Variants in NFATC2 observed in about 807,000 individuals in gnomAD.
NFATC2 encodes nuclear factor of activated T-cells, cytoplasmic 2.
NFATC2 carries 22 observed loss-of-function variants against 87.3 expected under a neutral mutation model. That is an observed-to-expected ratio of 0.25 (90% CI 0.18 to 0.36). The LOEUF (loss-of-function observed/expected upper bound fraction) is 0.36. NFATC2 is among the 10% of genes least tolerant of loss of function. The pLI, the probability that NFATC2 is intolerant of heterozygous loss-of-function variation, is 1.00. For synonymous variants in NFATC2, 565 were observed against 542.2 expected, an observed-to-expected ratio of 1.04 and a Z score of -0.58; for missense variants, 1,149 against 1,259.1, an observed-to-expected ratio of 0.91 and a Z score of 1.32.
chr20:51,514,055 T>C (rs1012295520), intron 3 of NFATC2, among the ~76,000 whole-genome samples: 2 of 152,238 alleles, frequency 1.3e-5, no homozygotes, highest in Non-Finnish European at 2.9e-5. Flanking sequence ...TAAGGCTCTT[T>C]TGAGGATTAA....
rs1326547081 is a variant in NFATC2 at position 51,486,221 on chromosome 20, AAG to A, written c.1333-10563_1333-10562del. Reference sequence around the variant, plus strand: ...GCGAGACACTGCCTCAAACAAAAAAAAGAAGAAGAAAATCCAAACTGCCCATT... The same window carrying A: ...GCGAGACACTGCCTCAAACAAAAAAAAAGAAGAAAATCCAAACTGCCCATT... On this transcript the variant is annotated intron_variant, in intron 3 of 10. Transcript: ENST00000371564. 5.3e-5 allele frequency among the ~76,000 whole-genome samples: 8 copies of A among 152,126 alleles called. No individual in the cohort carries two copies. The South Asian group carries it at 1.2e-3, about 24-fold the overall frequency.
chr20:51,546,514 C>T (rs2076890887), upstream of NFATC2, among the ~76,000 whole-genome samples: 1 of 152,166 alleles, frequency 6.6e-6, no homozygotes, highest in African/African-American at 2.4e-5. Flanking sequence ...CAGGGCATCG[C>T]TGTCAACTTT....
At chr20:51,551,763 C>T (rs1028201513) in intron 1 of NFATC2, among the ~76,000 whole-genome samples, 4 of 152,178 alleles carry the variant, frequency 2.6e-5, no homozygotes, top group East Asian at 1.9e-4. Context: ...CACAGTGGCT[C>T]ATGCCTGTAA....
intron 1 of NFATC2, among the ~76,000 whole-genome samples, chr20:51,557,759 T>G (rs1006612635): frequency 6.6e-6 from 1 of 151,514 alleles, no homozygotes; most frequent in Non-Finnish European, 1.5e-5. Flanking sequence ...CATTCCTAAC[T>G]CATTCATTCA....
intron 3 of NFATC2, among the ~76,000 whole-genome samples, chr20:51,477,551 A>G (rs1425137707): frequency 1.8e-5 from 2 of 112,260 alleles, no homozygotes; most frequent in African/African-American, 5.8e-5. Flanking sequence ...ATATATATAT[A>G]TATATATATA....
intron 7 of NFATC2, 72 bp from the exon 8 acceptor site, chr20:51,435,386 C>T (rs1382528430): frequency 3.1e-6 from 5 of 1,598,198 alleles, no homozygotes; most frequent in Non-Finnish European, 4.3e-6. Context: ...TAAGCGCATC[C>T]AGGCAGCCCA....
At chr20:51,478,199 G>A (rs1237753730) in intron 3 of NFATC2, among the ~76,000 whole-genome samples, 5 of 152,332 alleles carry the variant, frequency 3.3e-5, no homozygotes, top group East Asian at 3.9e-4. Context: ...GGAAATCCAA[G>A]TCAGAAGCCT....
intron 3 of NFATC2, among the ~76,000 whole-genome samples, chr20:51,490,820 CTAAG>C (rs2075869643): frequency 6.6e-6 from 1 of 152,060 alleles, no homozygotes; most frequent in Non-Finnish European, 1.5e-5. Flanking sequence ...AAAATGCTGA[CTAAG>C]TAACACAACA....
upstream of NFATC2, among the ~76,000 whole-genome samples, chr20:51,544,985 C>T (rs181777849): frequency 2.0e-5 from 3 of 152,274 alleles, no homozygotes; most frequent in Admixed American, 1.3e-4. Flanking sequence ...CCATGTGTAT[C>T]CAACAAGCAT....
intron 4 of NFATC2, 24 bp from the exon 5 acceptor site, chr20:51,474,176 T>A: frequency 6.2e-7 from 1 of 1,611,176 alleles, no homozygotes; most frequent in South Asian, 1.1e-5. Context: ...AAGAACCCCA[T>A]TGTCACCAAC....
chr20:51,451,335 C>G (rs538112607), intron 6 of NFATC2, among the ~76,000 whole-genome samples: 1 of 152,374 alleles, frequency 6.6e-6, no homozygotes, highest in African/African-American at 2.4e-5. Context: ...CTGAAAATTT[C>G]TAAGCTGTAG....
chr20:51,555,254 C>G (rs1214541579), intron 1 of NFATC2, among the ~76,000 whole-genome samples: 1 of 152,148 alleles, frequency 6.6e-6, no homozygotes, highest in Non-Finnish European at 1.5e-5. Context: ...GAACATTCCC[C>G]CAGGGGCTCC....
chr20:51,491,272 A>G (rs1034012381), intron 3 of NFATC2, among the ~76,000 whole-genome samples: 2 of 152,082 alleles, frequency 1.3e-5, no homozygotes, highest in African/African-American at 4.8e-5. Context: ...ACATGCATAA[A>G]ATGGACAAGG....
At chr20:51,456,068 G>GTGGA (rs1457065757) in intron 5 of NFATC2, among the ~76,000 whole-genome samples, 2 of 120,624 alleles carry the variant, frequency 1.7e-5, no homozygotes, top group Non-Finnish European at 3.5e-5. Flanking sequence ...GGGTGGGTGG[G>GTGGA]TGGATGGATG....
At chr20:51,547,669 C>T (rs948174535), upstream of NFATC2, among the ~76,000 whole-genome samples, 2 of 152,192 alleles carry the variant, frequency 1.3e-5, no homozygotes, top group African/African-American at 2.4e-5. Context: ...CCAAACCCTA[C>T]GTCTCCAGCT....
chr20:51,428,715 G>A (rs1200278427), intron 9 of NFATC2, among the ~76,000 whole-genome samples: 1 of 152,218 alleles, frequency 6.6e-6, no homozygotes, highest in Non-Finnish European at 1.5e-5. Context: ...TTGTGCGGGG[G>A]AGGGAGGACC....
At chr20:51,447,525 C>G (rs1030537624) in intron 6 of NFATC2, among the ~76,000 whole-genome samples, 1 of 152,192 alleles carries the variant, frequency 6.6e-6, no homozygotes, top group Non-Finnish European at 1.5e-5. Flanking sequence ...TGGATCCCAC[C>G]CAGGCGCAGC....
intron 9 of NFATC2, among the ~76,000 whole-genome samples, chr20:51,431,516 C>A (rs554892482): frequency 6.6e-6 from 1 of 152,172 alleles, no homozygotes; most frequent in Non-Finnish European, 1.5e-5. Context: ...CCCATCAATG[C>A]GCATCTCTGT....
At chr20:51,410,397 A>G (rs1431236933) in intron 9 of NFATC2, among the ~76,000 whole-genome samples, 2 of 152,178 alleles carry the variant, frequency 1.3e-5, no homozygotes, top group African/African-American at 4.8e-5. Context: ...AACATTTTCT[A>G]CGCAGAAGAG....
Sources: allele counts gnomAD v4.1 joint callset (sites outside exome capture counted in the v4.1 genomes callset), GRCh38; gene constraint gnomAD v4.1.1; transcripts MANE v1.5; gene names NCBI Gene and HGNC (gene_info 2026-07-23, HGNC 2026-07-21).